RSRP1: variants seen among roughly 807,000 people sequenced by gnomAD.
The protein encoded by RSRP1 is arginine/serine-rich protein 1.
A neutral mutation model predicts 33.0 loss-of-function variants in RSRP1; 37 were observed. The observed-to-expected ratio is 1.12, with a 90% CI of 0.86 to 1.48. The LOEUF (loss-of-function observed/expected upper bound fraction) is 1.48, where lower values mean the gene tolerates loss of function less well. RSRP1 is among the 40% of genes most tolerant of loss of function. The pLI is 0.00. For missense variants in RSRP1, 402 were observed against 385.3 expected (o/e 1.04, Z -0.36); for synonymous variants, 167 against 158.7 (o/e 1.05, Z -0.40).
At chr1:25,277,942 G>A (rs1641158857) in intron 1 of RSRP1, among the ~76,000 whole-genome samples, 1 of 133,098 alleles carries the variant, frequency 7.5e-6, no homozygotes, top group African/African-American at 2.6e-5. Context: ...CCAAAGTGCT[G>A]GGATTACAGG....
In RSRP1 at chr1:25,242,598, T is replaced by C. The variant is rs1002334610; in HGVS notation, c.864A>G (p.Ile288Met). The C allele has an allele frequency of 6.3e-7, 1 of 1,594,026 alleles. No homozygotes were observed. The highest frequency in any genetic ancestry group is 8.6e-7 in the Non-Finnish European group (1 of 1,165,966). ...DQKKSPYGLW[I>M]PI ...CATCAGTTTTCTTCTTTTAGATAGG[T>C]ATCCACAGTCCATATGGACTTTTTT... Residue 288 changes from isoleucine (I) to methionine (M), a missense_variant, in exon 5 of 5, where the codon ATA (isoleucine) becomes ATG (methionine). Coordinates refer to ENST00000243189, the MANE Select transcript of RSRP1 (RefSeq NM_020317.5).
At chr1:25,244,769 T>G in intron 3 of RSRP1, 1 of 1,039,752 alleles carries the variant, frequency 9.6e-7, no homozygotes, top group East Asian at 6.1e-5. Context: ...ACTGCAACCT[T>G]AGCATCCTAG....
At position 25,292,200 on chromosome 1, in the gene RSRP1, G is replaced by A; in HGVS notation, c.-66-45171C>T. Among the ~76,000 whole-genome samples the A allele has an allele frequency of 1.5e-5, 2 of 132,656 alleles. 1 individual carries two copies. Among genetic ancestry groups the A allele is most frequent in the Non-Finnish European group, 3.6e-5 (2 of 55,930 alleles). The allele number at this position is 132,656 out of a possible 152,430, so 87.0% of individuals were successfully genotyped here. ...AAAAAAAGCATGAAGCCCCTTTACT[G>A]TGCCTCAGTGTCCCAAAGGACTTTG... On this transcript the variant is annotated intron_variant, in intron 1 of 1. Coordinates refer to the RSRP1 transcript ENST00000561867.
intron 1 of RSRP1, among the ~76,000 whole-genome samples, chr1:25,297,447 G>A (rs1408038354): frequency 9.2e-6 from 1 of 108,586 alleles, no homozygotes; most frequent in Admixed American, 9.3e-5. Context: ...CTTGTGAGGA[G>A]ATAATTTCCT....
rs1202765677 is a variant in RSRP1 at position 25,331,840 on chromosome 1, C to T, written c.-67+6138G>A. Among the ~76,000 whole-genome samples the T allele has an allele frequency of 4.1e-5, 5 of 122,574 alleles. 1 individual carries two copies. The highest frequency in any genetic ancestry group is 2.0e-4 in the East Asian group (1 of 4,992). 80.4% of individuals were successfully genotyped at this position (122,574 alleles called of 152,430 possible). ...CTGCAAGCTCCGCCTCCCGGGTTCA[C>T]GCCATTCTCCTGCCTCAGCCTCCGG... On this transcript the variant is annotated intron_variant, in intron 1 of 1. Transcript: ENST00000561867.
chr1:25,330,189 G>A (rs2124195440), intron 1 of RSRP1: 1 of 133,014 alleles, frequency 7.5e-6, no homozygotes, highest in Admixed American at 7.3e-5. Context: ...CTACTGCTAT[G>A]TGTCACACTT....
In RSRP1 at chr1:25,246,700, G is replaced by A. The variant is rs1639446084; in HGVS notation, c.264C>T (p.Ser88=). The A allele has an allele frequency of 6.2e-7, 1 of 1,607,942 alleles. No individual in the cohort carries two copies. Among genetic ancestry groups the A allele is most frequent in the South Asian group, 1.1e-5 (1 of 90,964 alleles). ...GCCTCTCTCGGTAACGGCGGCTGCGGGATCGCGACCGGCTCCGCGAGTATG... is the reference window on the plus strand; with the variant it reads ...GCCTCTCTCGGTAACGGCGGCTGCGAGATCGCGACCGGCTCCGCGAGTATG... ...SRSYSRSRSR[S]RSRRYRERRY... is the part of the protein sequence containing the mutation. The change falls in exon 2 of 5, where the codon TCC becomes TCT. Residue 88 remains serine (S), a synonymous_variant. Transcript: ENST00000243189.
chr1:25,280,102 G>C (rs573620237), intron 1 of RSRP1, among the ~76,000 whole-genome samples: 1 of 128,958 alleles, frequency 7.8e-6, no homozygotes, highest in African/African-American at 2.7e-5. Flanking sequence ...GACCAGTTTG[G>C]GGTGCATGAG....
At chr1:25,287,237 TG>T (rs1373370433) in intron 1 of RSRP1, among the ~76,000 whole-genome samples, 1 of 135,668 alleles carries the variant, frequency 7.4e-6, no homozygotes, top group East Asian at 1.9e-4. Flanking sequence ...GTGGTGGCCC[TG>T]GTTTGGTGTT....
intron 1 of RSRP1, among the ~76,000 whole-genome samples, chr1:25,282,381 C>T (rs1279475767): frequency 7.6e-6 from 1 of 131,034 alleles, no homozygotes; most frequent in East Asian, 2.0e-4. Flanking sequence ...TACAGGTGCC[C>T]ACCACCACAT....
intron 1 of RSRP1, among the ~76,000 whole-genome samples, chr1:25,320,844 C>G (rs1644658360): frequency 7.6e-6 from 1 of 131,128 alleles, no homozygotes; most frequent in African/African-American, 2.6e-5. Flanking sequence ...GTGTTCAAGA[C>G]CAGCCTGGGC....
At chr1:25,252,514 G>A (rs185501861) in intron 1 of RSRP1, among the ~76,000 whole-genome samples, 13 of 151,328 alleles carry the variant, frequency 8.6e-5, no homozygotes, top group African/African-American at 3.2e-4. Flanking sequence ...GAGCTTCAGC[G>A]TAGTCTGGGA....
chr1:25,306,252 G>A lies in RSRP1; in HGVS notation c.-67+31726C>T, dbSNP rs1427313732. 1.5e-5 allele frequency among the ~76,000 whole-genome samples: 2 copies of A among 131,714 alleles called. 1 individual carries two copies. Among genetic ancestry groups the A allele is most frequent in the Non-Finnish European group, 3.6e-5 (2 of 55,768 alleles). The allele number at this position is 131,714 out of a possible 152,430, so 86.4% of individuals were successfully genotyped here. On this transcript the variant is annotated intron_variant, in intron 1 of 1. Transcript: ENST00000561867. ...GCTGCTTAACATCCTACAGTACACA[G>A]GGCAGCCCCCACCACAAGGAATTAT...
At chr1:25,247,104 G>A (rs975052881) in intron 1 of RSRP1, 75 bp from the exon 2 acceptor site, 39 of 922,686 alleles carry the variant, frequency 4.2e-5, no homozygotes, top group Middle Eastern at 3.8e-4. Flanking sequence ...CACAGTCGGG[G>A]AACCTCCGGG....
intron 2 of RSRP1, among the ~76,000 whole-genome samples, chr1:25,245,774 T>C (rs974183905): frequency 6.6e-6 from 1 of 152,240 alleles, no homozygotes; most frequent in Non-Finnish European, 1.5e-5. Flanking sequence ...CTCTAGCTAA[T>C]AGTGATATTA....
At chr1:25,269,601 T>G (rs1640432551) in intron 1 of RSRP1, among the ~76,000 whole-genome samples, 1 of 133,114 alleles carries the variant, frequency 7.5e-6, no homozygotes, top group African/African-American at 2.6e-5. Context: ...GACTTATCTA[T>G]CCTAGATCCC....
At position 25,275,028 on chromosome 1, in the gene RSRP1, C is replaced by T. The variant is rs534532874; in HGVS notation, c.-66-27999G>A. On this transcript the variant is annotated intron_variant, in intron 1 of 1. Coordinates refer to the RSRP1 transcript ENST00000561867. ...CAGGGACTGGGTGTGGTGACTCATG[C>T]CTGTAATCCCAAACACTTTGGGAGA... Among the ~76,000 whole-genome samples, 17 of 129,602 alleles carry T rather than the reference C, an allele frequency of 1.3e-4. 4 individuals carry two copies. Among genetic ancestry groups the T allele is most frequent in the Non-Finnish European group, 2.6e-4 (14 of 54,860 alleles). 85.0% of individuals were successfully genotyped at this position (129,602 alleles called of 152,430 possible). A position where few individuals can be genotyped will look rare whatever the true frequency, so the allele number is the denominator to read the frequency against.
chr1:25,283,305 C>A (rs1641662018), intron 1 of RSRP1, among the ~76,000 whole-genome samples: 2 of 131,080 alleles, frequency 1.5e-5, no homozygotes, highest in South Asian at 2.3e-4. Flanking sequence ...CCGAGGTGGG[C>A]AGATCACTTG....
At chr1:25,321,792 G>C in intron 1 of RSRP1, 1 of 638,030 alleles carries the variant, frequency 1.6e-6, no homozygotes, top group Admixed American at 2.4e-5. Flanking sequence ...GATTTCTGTT[G>C]AGATACTGTC....
Sources: gnomAD v4.1 joint callset for allele counts (sites outside exome capture counted in the v4.1 genomes callset) on GRCh38, gnomAD v4.1.1 for gene constraint, MANE v1.5 for transcripts, NCBI Gene and HGNC (gene_info 2026-07-23, HGNC 2026-07-21) for gene names.